Variants in DZANK1 observed in about 807,000 individuals in gnomAD.
DZANK1 encodes double zinc ribbon and ankyrin repeat-containing protein 1.
DZANK1 carries 91 observed loss-of-function variants against 94.5 expected under a neutral mutation model. The observed-to-expected ratio is 0.96, with a 90% CI of 0.81 to 1.15. The LOEUF is 1.15. DZANK1 is among the 50% of genes most tolerant of loss of function. DZANK1 has a pLI of 0.00. For missense variants in DZANK1, 903 were observed against 916.4 expected (o/e 0.99, Z 0.19); for synonymous variants, 312 against 325.3 (o/e 0.96, Z 0.44).
At chr20:18,439,084 T>C (rs2058636153) in intron 8 of DZANK1, among the ~76,000 whole-genome samples, 1 of 152,144 alleles carries the variant, frequency 6.6e-6, no homozygotes, top group African/African-American at 2.4e-5. Context: ...GAGGTTAAGG[T>C]TCCATCTATC....
At chr20:18,462,937 TAAAA>T (rs61694583) in intron 2 of DZANK1, among the ~76,000 whole-genome samples, 24 of 111,274 alleles carry the variant, frequency 2.2e-4, no homozygotes, top group Non-Finnish European at 3.1e-4. Context: ...GACTCGGTCT[TAAAA>T]AAAAAAAAAA....
chr20:18,412,536 C>G, intron 13 of DZANK1, 110 bp downstream of exon 13: 1 of 1,128,620 alleles, frequency 8.9e-7, no homozygotes, highest in Non-Finnish European at 1.3e-6. Flanking sequence ...AAGAAAGAAA[C>G]TTACTTCTTA....
intron 13 of DZANK1, among the ~76,000 whole-genome samples, chr20:18,404,937 A>G (rs141210011): frequency 2.5e-3 from 378 of 149,756 alleles, no homozygotes; most frequent in African/African-American, 8.6e-3. Context: ...AATAGAAGAA[A>G]TTATGATGCA....
At chr20:18,460,108 GTTA>G in intron 3 of DZANK1, 42 bp downstream of exon 3, 3 of 1,276,800 alleles carry the variant, frequency 2.3e-6, no homozygotes, top group Non-Finnish European at 3.1e-6. Flanking sequence ...AGAACATAAT[GTTA>G]TTATATCATA....
intron 13 of DZANK1, among the ~76,000 whole-genome samples, chr20:18,408,578 A>C (rs1838970498): frequency 6.6e-6 from 1 of 152,226 alleles, no homozygotes; most frequent in South Asian, 2.1e-4. Context: ...TTTCAGCAGA[A>C]ATCCTATAGG....
chr20:18,409,582 A>ACACACACC (rs1555858865), intron 13 of DZANK1, among the ~76,000 whole-genome samples: 2 of 144,358 alleles, frequency 1.4e-5, no homozygotes, highest in African/African-American at 5.1e-5. Flanking sequence ...ACACACACAC[A>ACACACACC]CCACCACCAC....
chr20:18,426,722 T>C (rs985721557), intron 10 of DZANK1, among the ~76,000 whole-genome samples: 3 of 152,168 alleles, frequency 2.0e-5, no homozygotes, highest in Non-Finnish European at 2.9e-5. Flanking sequence ...CAATGGACTA[T>C]GGGGTGTGGG....
chr20:18,435,043 G>GT (rs2058462906), intron 8 of DZANK1, among the ~76,000 whole-genome samples: 1 of 152,184 alleles, frequency 6.6e-6, no homozygotes, highest in Non-Finnish European at 1.5e-5. Flanking sequence ...ATAAACCAGA[G>GT]TAGGCCCAAG....
In DZANK1 at chr20:18,396,053, T is replaced by C. The variant is rs932430452; in HGVS notation, c.1611+419A>G. ...GCTGCTAATGTCAATCAATTAATGT[T>C]TGAAACACATTTACAGGCTCTGTGG... On this transcript the variant is annotated intron_variant, in intron 15 of 20. Coordinates refer to ENST00000262547, the Ensembl canonical transcript of DZANK1. Among the ~76,000 whole-genome samples, 5 of 152,238 alleles carry C rather than the reference T, an allele frequency of 3.3e-5. No individual in the cohort carries two copies. In the East Asian group the frequency reaches 9.6e-4, roughly 29 times the overall value.
At position 18,433,919 on chromosome 20, in the gene DZANK1, T is replaced by C. The variant is rs544129094; in HGVS notation, c.748-154A>G. ...TAGGCAGGTCGGGCTTGGTTAGTACTTGGTGGAAGAATGTAAAGTTTGATT... is the reference window on the plus strand; with the variant it reads ...TAGGCAGGTCGGGCTTGGTTAGTACCTGGTGGAAGAATGTAAAGTTTGATT... On this transcript the variant is annotated intron_variant, in intron 8 of 20. Transcript: ENST00000262547. 5.0e-6 allele frequency: 3 copies of C among 597,620 alleles called. No homozygotes were observed. In the South Asian group the frequency reaches 7.3e-5, roughly 14 times the overall value. 37.0% of individuals were successfully genotyped at this position (597,620 alleles called of 1,614,324 possible).
chr20:18,423,898 A>G (rs1165830786), intron 10 of DZANK1, among the ~76,000 whole-genome samples: 1 of 143,766 alleles, frequency 7.0e-6, no homozygotes, highest in Non-Finnish European at 1.6e-5. Context: ...ATCAGATTAA[A>G]CCCAAAGAAA....
intron 13 of DZANK1, among the ~76,000 whole-genome samples, chr20:18,399,057 C>T (rs902071837): frequency 6.8e-6 from 1 of 147,906 alleles, no homozygotes; most frequent in African/African-American, 2.5e-5. Flanking sequence ...ACACATGAGG[C>T]GGAGGTTGCA....
At chr20:18,435,321 G>A (rs943013902) in intron 8 of DZANK1, among the ~76,000 whole-genome samples, 2 of 152,032 alleles carry the variant, frequency 1.3e-5, no homozygotes, top group African/African-American at 2.4e-5. Context: ...TACTATTTAC[G>A]ACAGCAAAGT....
intron 13 of DZANK1, among the ~76,000 whole-genome samples, chr20:18,400,944 CT>C (rs1035938337): frequency 5.1e-4 from 76 of 148,494 alleles, no homozygotes; most frequent in Admixed American, 8.8e-4. Flanking sequence ...ATCTATACTT[CT>C]TTTTTTTTTA....
At chr20:18,398,652 T>A in intron 13 of DZANK1, 26 bp from the exon 14 acceptor site, 1 of 1,592,396 alleles carries the variant, frequency 6.3e-7, no homozygotes, top group Non-Finnish European at 8.6e-7. Flanking sequence ...AACCCCGCCA[T>A]CTGGATGATT....
intron 13 of DZANK1, among the ~76,000 whole-genome samples, chr20:18,403,488 G>A (rs1216989243): frequency 1.3e-5 from 2 of 152,188 alleles, no homozygotes; most frequent in Non-Finnish European, 2.9e-5. Flanking sequence ...GACTTCATTT[G>A]TAACAAAGTG....
intron 13 of DZANK1, among the ~76,000 whole-genome samples, chr20:18,399,579 C>T (rs896315801): frequency 3.0e-4 from 45 of 152,184 alleles, no homozygotes; most frequent in African/African-American, 9.9e-4. Flanking sequence ...AACGTGTACA[C>T]CCCAATCAAT....
At chr20:18,383,759 C>T (rs1030804739) in exon 21 of DZANK1, 2 of 152,128 alleles carry the variant, frequency 1.3e-5, no homozygotes, top group East Asian at 1.9e-4. Context: ...ATGGGAGGGA[C>T]GTATCCCTAC....
intron 8 of DZANK1, among the ~76,000 whole-genome samples, chr20:18,442,679 G>A (rs2049779130): frequency 6.6e-6 from 1 of 152,110 alleles, no homozygotes; most frequent in African/African-American, 2.4e-5. Flanking sequence ...CTTTTTCTTA[G>A]TAACTATCTT....
Sources: allele counts gnomAD v4.1 joint callset (sites outside exome capture counted in the v4.1 genomes callset), GRCh38; gene constraint gnomAD v4.1.1; transcripts MANE v1.5; gene names NCBI Gene and HGNC (gene_info 2026-07-23, HGNC 2026-07-21).